The following UBN2 variants were observed in gnomAD, a reference collection of about 807,000 sequenced individuals.
UBN2 encodes ubinuclein-2.
Under a neutral mutation model 120.2 loss-of-function variants are expected in UBN2, and 35 were observed. The observed-to-expected ratio is 0.29, with a 90% CI of 0.22 to 0.39. The LOEUF is 0.39. Among genes scored for constraint, UBN2 ranks in the 10% least tolerant of loss-of-function variants. The pLI is 1.00. For missense variants in UBN2, 1,693 were observed against 1,663.2 expected (o/e 1.02, Z -0.31); for synonymous variants, 661 against 648.7 (o/e 1.02, Z -0.29).
the UBN2 span, among the ~76,000 whole-genome samples, chr7:139,316,077 C>CAAA: frequency 0.054 from 763 of 14,044 alleles, 201 homozygotes; most frequent in African/African-American, 0.11. Context: ...GACTTCGTCT[C>CAAA]AAAAAAAAAA....
intron 8 of UBN2, among the ~76,000 whole-genome samples, chr7:139,270,302 C>T (rs1334620359): frequency 2.1e-5 from 3 of 145,718 alleles, no homozygotes; most frequent in African/African-American, 5.1e-5. Flanking sequence ...GACAGAGTCT[C>T]GCTCAGCCCA....
At chr7:139,235,273 C>T (rs1434225406) in intron 1 of UBN2, among the ~76,000 whole-genome samples, 1 of 152,154 alleles carries the variant, frequency 6.6e-6, no homozygotes, top group East Asian at 1.9e-4. Context: ...CTGTCCTTAA[C>T]CTGAGCCTCT....
the UBN2 span, among the ~76,000 whole-genome samples, chr7:139,330,266 T>A: frequency 6.6e-6 from 1 of 152,234 alleles, no homozygotes; most frequent in East Asian, 1.9e-4. Flanking sequence ...TCAGTTTTTT[T>A]AAGTGACAGA....
In UBN2 at chr7:139,303,370, A is replaced by G. The variant is rs767143376; in HGVS notation, c.*5534A>G. The G allele has an allele frequency of 6.6e-6, 1 of 152,214 alleles. No individual in the cohort carries two copies. Among genetic ancestry groups the G allele is most frequent in the Non-Finnish European group, 1.5e-5 (1 of 68,046 alleles). 9.4% of individuals were successfully genotyped at this position (152,214 alleles called of 1,614,324 possible). A position where few individuals can be genotyped will look rare whatever the true frequency, so the allele number is the denominator to read the frequency against. On this transcript the variant is annotated 3_prime_UTR_variant, in exon 18 of 18. Coordinates refer to ENST00000473989, the MANE Select transcript of UBN2 (RefSeq NM_173569.4). ...TGAACCATCCCTCAGACCCAGTACA[A>G]ATATACCTAGTAAGTGCCCCCCTTT...
chr7:139,259,171 A>G (rs1383163136), intron 4 of UBN2, 96 bp from the exon 5 acceptor site: 9 of 1,518,132 alleles, frequency 5.9e-6, no homozygotes, highest in South Asian at 1.3e-5. Context: ...ATGCACACTG[A>G]CATTTGAGAA....
chr7:139,316,917 T>G, the UBN2 span, among the ~76,000 whole-genome samples: 2 of 151,668 alleles, frequency 1.3e-5, no homozygotes, highest in African/African-American at 2.4e-5. Flanking sequence ...TTTTTTTTGG[T>G]CTTCGATGTT....
In UBN2 at chr7:139,276,080, T is replaced by C; in HGVS notation, c.1974-17T>C. 6.2e-7 allele frequency: 1 copy of C among 1,603,714 alleles called. No individual in the cohort carries two copies. Among genetic ancestry groups the C allele is most frequent in the African/African-American group, 1.3e-5 (1 of 74,778 alleles). On this transcript the variant is annotated splice_polypyrimidine_tract_variant and intron_variant, in intron 11 of 17. Coordinates refer to ENST00000473989, the MANE Select transcript of UBN2 (RefSeq NM_173569.4). ...GCTATAAAGAAAATAATAATTGTGT[T>C]CTTTAAATTTTTCCAGAATGCTTTT...
chr7:139,232,014 C>T, intron 1 of UBN2, 62 bp downstream of exon 1: 2 of 1,526,508 alleles, frequency 1.3e-6, no homozygotes, highest in Non-Finnish European at 8.8e-7. Context: ...CCGCCTTCCC[C>T]AGCTGGTTTG....
At chr7:139,276,460 T>C in intron 12 of UBN2, 1 of 368,460 alleles carries the variant, frequency 2.7e-6, no homozygotes, top group Non-Finnish European at 5.0e-6. Flanking sequence ...AATGTCCATC[T>C]GCATTTGTAA....
At chr7:139,248,499 G>A (rs1456518610) in intron 2 of UBN2, among the ~76,000 whole-genome samples, 1 of 152,080 alleles carries the variant, frequency 6.6e-6, no homozygotes, top group African/African-American at 2.4e-5. Flanking sequence ...AGAGGAAATT[G>A]ATATCTTACT....
chr7:139,320,085 AAAG>A, the UBN2 span, among the ~76,000 whole-genome samples: 8 of 151,774 alleles, frequency 5.3e-5, no homozygotes, highest in Admixed American at 5.3e-4. Flanking sequence ...CAAAAAAAAA[AAAG>A]AGAGAAATTT....
intron 5 of UBN2, among the ~76,000 whole-genome samples, chr7:139,260,743 C>T (rs1460662476): frequency 6.6e-6 from 1 of 152,170 alleles, no homozygotes; most frequent in East Asian, 1.9e-4. Context: ...TCATTATTTA[C>T]AAGTAGACTT....
chr7:139,297,406 G>C (rs895441366), intron 17 of UBN2, among the ~76,000 whole-genome samples: 8 of 151,750 alleles, frequency 5.3e-5, no homozygotes, highest in Non-Finnish European at 1.0e-4. Flanking sequence ...AAATGAAATT[G>C]ACCTGTCTTC....
chr7:139,304,795 C>T lies in UBN2; in HGVS notation c.*6959C>T, dbSNP rs999557589. ...TTTTTCCAGATAAGGCCTTAGTAGC[C>T]TCTAAATATCAACTATGCAGATAAA... On this transcript the variant is annotated 3_prime_UTR_variant, in exon 18 of 18. Coordinates refer to ENST00000473989, the MANE Select transcript of UBN2 (RefSeq NM_173569.4). The T allele has an allele frequency of 2.7e-5, 4 of 150,566 alleles. No homozygotes were observed. The highest frequency in any genetic ancestry group is 9.8e-5 in the African/African-American group (4 of 40,718). The allele number at this position is 150,566 out of a possible 1,614,324, so 9.3% of individuals were successfully genotyped here.
chr7:139,248,818 A>G (rs1369057403), intron 2 of UBN2, among the ~76,000 whole-genome samples: 1 of 151,804 alleles, frequency 6.6e-6, no homozygotes, highest in Non-Finnish European at 1.5e-5. Context: ...TCAATAGACT[A>G]CCTCCTACCA....
the UBN2 span, among the ~76,000 whole-genome samples, chr7:139,327,838 C>T: frequency 3.3e-5 from 5 of 152,160 alleles, no homozygotes; most frequent in South Asian, 2.1e-4. Context: ...AAGATTATCC[C>T]GCTTCTTCAG....
At chr7:139,248,761 G>A (rs1260270052) in intron 2 of UBN2, among the ~76,000 whole-genome samples, 1 of 151,652 alleles carries the variant, frequency 6.6e-6, no homozygotes, top group Non-Finnish European at 1.5e-5. Flanking sequence ...CTCAGTTTAG[G>A]GTGAAATCAT....
intron 13 of UBN2, among the ~76,000 whole-genome samples, chr7:139,280,662 T>C (rs1797580867): frequency 6.6e-6 from 1 of 152,202 alleles, no homozygotes; most frequent in Non-Finnish European, 1.5e-5. Flanking sequence ...GTTTTTCTTT[T>C]GGAGACAGAG....
chr7:139,270,779 C>T (rs7795437), intron 8 of UBN2, among the ~76,000 whole-genome samples: 16,161 of 150,338 alleles, frequency 0.11, 1,568 homozygotes, highest in Admixed American at 0.22. Flanking sequence ...AGTTTCACTC[C>T]TGTTGCCCAG....
Sources: allele counts gnomAD v4.1 joint callset (sites outside exome capture counted in the v4.1 genomes callset), GRCh38; gene constraint gnomAD v4.1.1; transcripts MANE v1.5; gene names NCBI Gene and HGNC (gene_info 2026-07-23, HGNC 2026-07-21).